Variants in BRI3 observed in about 807,000 individuals in gnomAD.
The protein encoded by BRI3 is membrane protein BRI3.
BRI3 carries 6 observed loss-of-function variants against 12.8 expected under a neutral mutation model. The observed-to-expected ratio is 0.47, with a 90% CI of 0.26 to 0.93. The LOEUF (loss-of-function observed/expected upper bound fraction) is 0.93, where lower values mean the gene tolerates loss of function less well. BRI3 is among the 40% of genes least tolerant of loss of function. The pLI is 0.15. For synonymous variants in BRI3, 91 were observed against 76.1 expected (o/e 1.20, Z -1.02); for missense variants, 134 against 171.1 (o/e 0.78, Z 1.21).
At chr7:98,314,724 T>C (rs922303005), downstream of BRI3, among the ~76,000 whole-genome samples, 1 of 152,090 alleles carries the variant, frequency 6.6e-6, no homozygotes, top group Admixed American at 6.5e-5. Flanking sequence ...GAGCTGCCCG[T>C]GACCCCCGGA....
At chr7:98,305,907 A>C (rs561166969), upstream of BRI3, among the ~76,000 whole-genome samples, 1 of 152,292 alleles carries the variant, frequency 6.6e-6, no homozygotes, top group African/African-American at 2.4e-5. Context: ...GTGTATTTCA[A>C]GCCATGGGAG....
At chr7:98,291,559 G>A, downstream of BRI3, 1 of 1,123,148 alleles carries the variant, frequency 8.9e-7, no homozygotes, top group Non-Finnish European at 1.1e-6. Context: ...TGCTTTCAGA[G>A]ACCCAGGAAA....
chr7:98,320,418 C>T, the BRI3 span: 8 of 696,844 alleles, frequency 1.1e-5, no homozygotes, highest in Middle Eastern at 2.7e-4. Context: ...CCGCTGCAAC[C>T]TCCGCCTCCC....
chr7:98,301,794 C>T (rs1014836323), upstream of BRI3, among the ~76,000 whole-genome samples: 14 of 152,062 alleles, frequency 9.2e-5, 1 homozygote, highest in African/African-American at 3.1e-4. Context: ...GAATCTCTCC[C>T]GTGGAGGGGA....
At position 98,291,477 on chromosome 7, in the gene BRI3, TGAGA is replaced by T. The variant is rs1799952929; in HGVS notation, c.*235_*238del. On this transcript the variant is annotated 3_prime_UTR_variant, in exon 3 of 3. Transcript: ENST00000297290. ...CTTTTATTTTTTGCAGTCTTCAATT[TGAGA>T]AAGGTGAGAAATAATGTTTTCAATA... The T allele has an allele frequency of 7.4e-7, 1 of 1,342,786 alleles. No homozygotes were observed. Among genetic ancestry groups the T allele is most frequent in the African/African-American group, 1.5e-5 (1 of 67,472 alleles). 83.2% of individuals were successfully genotyped at this position (1,342,786 alleles called of 1,614,324 possible). A position where few individuals can be genotyped will look rare whatever the true frequency, so the allele number is the denominator to read the frequency against.
chr7:98,292,693 C>T, downstream of BRI3: 1 of 1,551,638 alleles, frequency 6.4e-7, no homozygotes, highest in Non-Finnish European at 8.7e-7. Flanking sequence ...GTACCTGATT[C>T]AAACACGGAG....
upstream of BRI3, chr7:98,304,308 G>A: frequency 6.2e-7 from 1 of 1,613,550 alleles, no homozygotes; most frequent in Non-Finnish European, 8.5e-7. Flanking sequence ...CAAGTAGTCG[G>A]GTGGGGGGAT....
At chr7:98,299,649 G>A (rs1393767042) in intron 1 of BRI3, among the ~76,000 whole-genome samples, 1 of 152,210 alleles carries the variant, frequency 6.6e-6, no homozygotes, top group Non-Finnish European at 1.5e-5. Context: ...GAGCCACCGT[G>A]CCCAGCTAGA....
At chr7:98,307,894 T>G in exon 2 of BRI3, 1 of 1,614,200 alleles carries the variant, frequency 6.2e-7, no homozygotes, top group African/African-American at 1.3e-5. Context: ...TCTTCGGAAG[T>G]ACCTGTTGGA....
At chr7:98,283,603 G>T (rs532917562) in intron 2 of BRI3, among the ~76,000 whole-genome samples, 1 of 152,182 alleles carries the variant, frequency 6.6e-6, no homozygotes, top group Admixed American at 6.5e-5. Flanking sequence ...CACCGGGTTG[G>T]GGGGCTGGCA....
upstream of BRI3, among the ~76,000 whole-genome samples, chr7:98,306,116 GGTAAGATAAGT>G (rs1800647296): frequency 6.6e-6 from 1 of 152,226 alleles, no homozygotes; most frequent in Non-Finnish European, 1.5e-5. Flanking sequence ...AGATAAGAAC[GGTAAGATAAGT>G]GTAAGATAAG....
chr7:98,314,577 C>T (rs1340419065), downstream of BRI3, among the ~76,000 whole-genome samples: 2 of 152,290 alleles, frequency 1.3e-5, no homozygotes, highest in East Asian at 1.9e-4. Flanking sequence ...TCGAACCTCA[C>T]AGCTGTGTGT....
Position 98,310,329 on chromosome 7 carries a change from T to C in BRI3, n.2959T>C. 3.4e-6 allele frequency: 4 copies of C among 1,179,968 alleles called. No homozygotes were observed. The South Asian group carries it at 4.5e-5, about 13-fold the overall frequency. 73.1% of individuals were successfully genotyped at this position (1,179,968 alleles called of 1,614,324 possible). A position where few individuals can be genotyped will look rare whatever the true frequency, so the allele number is the denominator to read the frequency against. On this transcript the variant is annotated non_coding_transcript_exon_variant, in exon 2 of 2. Transcript: ENST00000485422. ...AAGCCAGGGCTGAATGTATCTACCA[T>C]ACCTGCTTGTTTACCTCCAAACCTT...
intron 2 of BRI3, among the ~76,000 whole-genome samples, chr7:98,285,821 G>C (rs1201725862): frequency 1.3e-5 from 2 of 152,178 alleles, no homozygotes; most frequent in Non-Finnish European, 2.9e-5. Context: ...GGACACCCTG[G>C]GACAGCCAGA....
chr7:98,286,966 G>A (rs987875342), intron 2 of BRI3, among the ~76,000 whole-genome samples: 1 of 152,200 alleles, frequency 6.6e-6, no homozygotes, highest in Non-Finnish European at 1.5e-5. Context: ...GGGGGGTAGG[G>A]AATGCTGCCC....
chr7:98,321,819 G>A, the BRI3 span, among the ~76,000 whole-genome samples: 61,275 of 152,038 alleles, frequency 0.4, 13,326 homozygotes, highest in Middle Eastern at 0.55. Context: ...ATTCCAGGCC[G>A]GGTGTGGTGG....
intron 1 of BRI3, among the ~76,000 whole-genome samples, chr7:98,300,755 A>G (rs934041513): frequency 6.6e-6 from 1 of 151,606 alleles, no homozygotes; most frequent in African/African-American, 2.4e-5. Context: ...TGGCGGCACC[A>G]CTCCCCTCGC....
At chr7:98,310,231 G>T in exon 2 of BRI3, 1 of 521,554 alleles carries the variant, frequency 1.9e-6, no homozygotes. Context: ...ACTGGTAAAT[G>T]TCAGAGAAAT....
chr7:98,315,385 G>A (rs1248686033), downstream of BRI3: 7 of 1,287,788 alleles, frequency 5.4e-6, no homozygotes, highest in Admixed American at 6.1e-5. Context: ...CGTGGGCCAC[G>A]GCCCAGCCTT....
Sources: gnomAD v4.1 joint callset for allele counts (sites outside exome capture counted in the v4.1 genomes callset) on GRCh38, gnomAD v4.1.1 for gene constraint, MANE v1.5 for transcripts, NCBI Gene and HGNC (gene_info 2026-07-23, HGNC 2026-07-21) for gene names.